EAF2: variants seen among roughly 807,000 people sequenced by gnomAD.
EAF2 encodes the protein ELL-associated factor 2.
A neutral mutation model predicts 29.4 loss-of-function variants in EAF2; 29 were observed. The ratio of observed to expected loss-of-function variants is 0.99; its 90% CI spans 0.73 to 1.35. The LOEUF is 1.35. Among genes scored for constraint, EAF2 ranks in the 40% most tolerant of loss-of-function variants. The pLI is 0.00. For synonymous variants in EAF2, 103 were observed against 102.5 expected (o/e 1.00, Z -0.03); for missense variants, 292 against 312.0 (o/e 0.94, Z 0.48).
rs1000708659 is a variant in EAF2 at position 121,836,725 on chromosome 3, G to T, written c.106+1334G>T. 36 of 987,474 alleles carry T rather than the reference G, an allele frequency of 3.6e-5. No homozygotes were observed. In the African/African-American group the frequency reaches 5.1e-4, roughly 14 times the overall value. The allele number at this position is 987,474 out of a possible 1,614,324, so 61.2% of individuals were successfully genotyped here. A position where few individuals can be genotyped will look rare whatever the true frequency, so the allele number is the denominator to read the frequency against. ...CCCATTTTCCGGAAGTGTGATATGC[G>T]TCTTTATCTGGTTTTTCCATGCCTT... On this transcript the variant is annotated intron_variant, in intron 1 of 5. Coordinates refer to ENST00000273668, the MANE Select transcript of EAF2 (RefSeq NM_018456.6).
At chr3:121,852,933 G>A (rs1030752992) in intron 2 of EAF2, among the ~76,000 whole-genome samples, 3 of 152,152 alleles carry the variant, frequency 2.0e-5, no homozygotes, top group Non-Finnish European at 4.4e-5. Context: ...CAGGTTTGAT[G>A]GAGCAGGGAC....
intron 1 of EAF2, among the ~76,000 whole-genome samples, chr3:121,842,239 A>AC (rs1708448654): frequency 6.6e-6 from 1 of 152,160 alleles, no homozygotes; most frequent in African/African-American, 2.4e-5. Flanking sequence ...TAGTATAGGC[A>AC]CCCACATAGG....
chr3:121,872,707 A>C lies in EAF2; in HGVS notation c.655A>C (p.Met219Leu). Residue 219 changes from methionine (M) to leucine (L), a missense_variant, in exon 5 of 6, where the codon ATG becomes CTG. Transcript: ENST00000273668. ...TGNCVSGHPTMTQYRIPDIDA... is the reference protein window; with the variant it reads ...TGNCVSGHPTLTQYRIPDIDA... ...GAATTGTGTCTCAGGACATCCTACC[A>C]TGACACAGTACAGGATTCCTGATAT... 1 of 1,612,908 alleles carries C rather than the reference A, an allele frequency of 6.2e-7. No individual in the cohort carries two copies. The highest frequency in any genetic ancestry group is 1.7e-5 in the Admixed American group (1 of 59,940).
chr3:121,844,087 G>T (rs1708479743), intron 1 of EAF2, among the ~76,000 whole-genome samples: 1 of 152,016 alleles, frequency 6.6e-6, no homozygotes, highest in Non-Finnish European at 1.5e-5. Flanking sequence ...TTGGAAAAAA[G>T]GACTGAAAAT....
Position 121,857,065 on chromosome 3 carries a change from GT to G in EAF2, c.394del (p.Trp132GlyfsTer10). On this transcript the variant is annotated frameshift_variant, in exon 4 of 6. Transcript: ENST00000273668. LOFTEE classifies it high-confidence loss of function. Reference protein sequence around the residue: ...YRKEQQQQQMWNSARTPNLVK... With the variant: ...YRKEQQQQQMXNSARTPNLVK... ...GTAAAGAACAACAGCAACAACAAAT[GT>G]GGAATTCAGCCAGGACTCCCAATCT... The G allele has an allele frequency of 6.2e-7, 1 of 1,613,852 alleles. No individual in the cohort carries two copies. Among genetic ancestry groups the G allele is most frequent in the East Asian group, 2.2e-5 (1 of 44,838 alleles).
intron 4 of EAF2, among the ~76,000 whole-genome samples, chr3:121,860,982 G>T (rs1392389040): frequency 6.6e-6 from 1 of 152,194 alleles, no homozygotes; most frequent in Non-Finnish European, 1.5e-5. Context: ...TGTGCGTTTT[G>T]AGTGAGTTTC....
rs1451494069 is a variant in EAF2, at chr3:121,857,592, T to G, written c.484+436T>G. Among the ~76,000 whole-genome samples, 5 of 152,304 alleles carry G rather than the reference T, an allele frequency of 3.3e-5. No individual in the cohort carries two copies. In the East Asian group the frequency reaches 9.6e-4, roughly 29 times the overall value. On this transcript the variant is annotated intron_variant, in intron 4 of 5. Coordinates refer to ENST00000273668, the MANE Select transcript of EAF2 (RefSeq NM_018456.6). ...ACCAAGAGCATAATATTTTTTGTAA[T>G]TACGCATTTTTCTGGGTAATGATGT...
intron 4 of EAF2, among the ~76,000 whole-genome samples, chr3:121,862,876 G>T (rs1432375268): frequency 1.3e-5 from 2 of 152,138 alleles, no homozygotes; most frequent in Non-Finnish European, 2.9e-5. Context: ...TGGGGTTTTG[G>T]TGTGGATGTC....
intron 4 of EAF2, 117 bp downstream of exon 4, chr3:121,857,273 C>T: frequency 2.5e-6 from 2 of 812,206 alleles, no homozygotes; most frequent in Middle Eastern, 2.6e-4. Flanking sequence ...GCAGGCGGAT[C>T]ATGAGGTCAG....
chr3:121,873,144 C>T, intron 5 of EAF2: 1 of 638,720 alleles, frequency 1.6e-6, no homozygotes. Context: ...GCAGTCAATA[C>T]TTATGTGTAG....
Position 121,856,909 on chromosome 3 carries a change from G to A in EAF2, c.339-102G>A. On this transcript the variant is annotated intron_variant, in intron 3 of 5. Coordinates refer to ENST00000273668, the MANE Select transcript of EAF2 (RefSeq NM_018456.6). The stretch of plus-strand genomic sequence containing the variant: ...AATTATGGAATATTATTCTAAAGAT[G>A]TTTAGGAAAAGAATAAGTGGTCAGT... The A allele has an allele frequency of 3.3e-6, 3 of 909,502 alleles. No homozygotes were observed. In the South Asian group the frequency reaches 5.4e-5, roughly 16 times the overall value. The allele number at this position is 909,502 out of a possible 1,614,324, so 56.3% of individuals were successfully genotyped here.
At chr3:121,882,537 A>G (rs1317597422) in intron 5 of EAF2, among the ~76,000 whole-genome samples, 1 of 152,064 alleles carries the variant, frequency 6.6e-6, no homozygotes, top group Non-Finnish European at 1.5e-5. Context: ...ATTTCTGTTG[A>G]GCACTCTATT....
intron 1 of EAF2, among the ~76,000 whole-genome samples, chr3:121,840,898 A>T (rs1260994318): frequency 6.6e-6 from 1 of 151,914 alleles, no homozygotes; most frequent in Non-Finnish European, 1.5e-5. Context: ...AGGAATGGAG[A>T]AGAAATTGAG....
At chr3:121,851,553 T>C (rs774465680) in intron 2 of EAF2, among the ~76,000 whole-genome samples, 87 of 152,304 alleles carry the variant, frequency 5.7e-4, no homozygotes, top group South Asian at 2.9e-3. Flanking sequence ...GTGAACCAAT[T>C]ATAAGCAATT....
intron 4 of EAF2, among the ~76,000 whole-genome samples, chr3:121,867,153 G>A (rs1400416121): frequency 2.6e-5 from 4 of 152,198 alleles, no homozygotes; most frequent in African/African-American, 9.7e-5. Flanking sequence ...CCAAGAATCT[G>A]TGGAAGAATG....
Position 121,857,116 on chromosome 3 carries a change from T to C in EAF2, c.444T>C (p.Asp148=), listed in dbSNP as rs1189141038. The change falls in exon 4 of 6, where the codon GAT becomes GAC. Residue 148 remains aspartate, a synonymous_variant. Coordinates refer to ENST00000273668, the MANE Select transcript of EAF2 (RefSeq NM_018456.6). ...PNLVKHSPSE[D]KMSPASPIDD... ...TTGTAAAACATTCTCCATCTGAAGA[T>C]AAGATGTCCCCAGCATCTCCAATAG... The C allele has an allele frequency of 6.2e-7, 1 of 1,613,660 alleles. No individual in the cohort carries two copies. The highest frequency in any genetic ancestry group is 1.1e-5 in the South Asian group (1 of 91,022).
At chr3:121,859,102 G>A (rs1475614368) in intron 4 of EAF2, among the ~76,000 whole-genome samples, 3 of 152,162 alleles carry the variant, frequency 2.0e-5, no homozygotes, top group Non-Finnish European at 4.4e-5. Flanking sequence ...GTCAGGTAGC[G>A]TGATGCCTCC....
intron 1 of EAF2, chr3:121,837,788 G>A (rs1425037502): frequency 6.6e-6 from 1 of 152,182 alleles, no homozygotes; most frequent in Non-Finnish European, 1.5e-5. Context: ...AGTCTGGCAT[G>A]TGGTAGGAAG....
intron 4 of EAF2, among the ~76,000 whole-genome samples, chr3:121,859,646 A>T (rs185594199): frequency 1.3e-5 from 2 of 152,058 alleles, no homozygotes; most frequent in Non-Finnish European, 2.9e-5. Context: ...TCTTTTCCCA[A>T]TTGAATACCC....
Sources: gnomAD v4.1 joint callset for allele counts (sites outside exome capture counted in the v4.1 genomes callset) on GRCh38, gnomAD v4.1.1 for gene constraint, MANE v1.5 for transcripts, NCBI Gene and HGNC (gene_info 2026-07-23, HGNC 2026-07-21) for gene names.